Variants in NPAS3 observed in about 807,000 individuals in gnomAD.
The protein encoded by NPAS3 is neuronal PAS domain protein 3, also known as neuronal PAS domain-containing protein 3.
A neutral mutation model predicts 73.1 loss-of-function variants in NPAS3; 14 were observed. That is an observed-to-expected ratio of 0.19 (90% CI 0.13 to 0.30). NPAS3 has a LOEUF of 0.30. Ranked by LOEUF, NPAS3 falls within the 10% of genes least tolerant of loss-of-function variation. NPAS3 has a pLI of 1.00. For synonymous variants in NPAS3, 620 were observed against 541.5 expected (o/e 1.14, Z -2.01); for missense variants, 1,096 against 1,250.0 (o/e 0.88, Z 1.86).
chr14:32,981,066 A>G lies in NPAS3; in HGVS notation c.50+41700A>G, dbSNP rs140027198. Among the ~76,000 whole-genome samples the G allele has an allele frequency of 1.1e-3, 163 of 152,240 alleles. 1 individual carries two copies. In the East Asian group the frequency reaches 0.026, roughly 25 times the overall value. On this transcript the variant is annotated intron_variant, in intron 1 of 11. Coordinates refer to ENST00000356141, the Ensembl canonical transcript of NPAS3. The stretch of plus-strand genomic sequence containing the variant: ...GAAGAACTCGGAAATGCCTGCAGCC[A>G]TTTATTATCCACTTTCAGCCAGGAG...
intron 2 of NPAS3, among the ~76,000 whole-genome samples, chr14:33,168,766 G>C (rs540760245): frequency 6.6e-6 from 1 of 152,048 alleles, no homozygotes; most frequent in Non-Finnish European, 1.5e-5. Context: ...TCTTCCTTCT[G>C]CCATTCACGT....
rs75590818 is a variant in NPAS3, at chr14:33,188,173, G to T, written c.141-27009G>T. On this transcript the variant is annotated intron_variant, in intron 2 of 11. Coordinates refer to ENST00000356141, the Ensembl canonical transcript of NPAS3. ...CTGAGATAATGCATCAAGCATGTTA[G>T]CTCATTGACATATAGTAAGTACTGA... Among the ~76,000 whole-genome samples the T allele has an allele frequency of 4.2e-3, 635 of 152,322 alleles. 1 individual carries two copies. Among genetic ancestry groups the T allele is most frequent in the African/African-American group, 4.9e-3 (202 of 41,582 alleles).
intron 9 of NPAS3, among the ~76,000 whole-genome samples, chr14:33,782,425 A>G (rs2063005385): frequency 6.6e-6 from 1 of 152,190 alleles, no homozygotes; most frequent in Non-Finnish European, 1.5e-5. Flanking sequence ...AACCAAACAG[A>G]GATGCATGCT....
intron 4 of NPAS3, among the ~76,000 whole-genome samples, chr14:33,476,133 C>T (rs1192147508): frequency 6.6e-6 from 1 of 152,154 alleles, no homozygotes; most frequent in African/African-American, 2.4e-5. Flanking sequence ...CTTTCTAATA[C>T]GTTGTTGGTT....
chr14:33,135,019 T>A (rs963506896), intron 2 of NPAS3, among the ~76,000 whole-genome samples: 1 of 152,214 alleles, frequency 6.6e-6, no homozygotes, highest in Non-Finnish European at 1.5e-5. Flanking sequence ...CCAGCTTTTG[T>A]GCTTTCATTG....
chr14:33,080,739 G>T (rs2041838842), intron 2 of NPAS3, among the ~76,000 whole-genome samples: 1 of 152,198 alleles, frequency 6.6e-6, no homozygotes, highest in Admixed American at 6.5e-5. Context: ...GAGCATTGTT[G>T]CGTGAAGTGT....
chr14:33,071,883 GT>G (rs964364861), intron 2 of NPAS3, among the ~76,000 whole-genome samples: 1 of 151,842 alleles, frequency 6.6e-6, no homozygotes, highest in African/African-American at 2.4e-5. Flanking sequence ...GAGATTCTGT[GT>G]TTTTTTTCTT....
chr14:33,560,070 G>C (rs762342020), intron 4 of NPAS3, 51 bp from the exon 5 acceptor site: 2 of 725,460 alleles, frequency 2.8e-6, no homozygotes, highest in Non-Finnish European at 4.7e-6. Context: ...AATTAAATCT[G>C]CATCCTTTGT....
rs755879056 is a variant in NPAS3, at chr14:33,643,375, T to TAAAAAAAAAAAAAAAAAAAAAAAAAAAAA, written c.559-32813_559-32812insAAAAAAAAAAAAAAAAAAAAAAAAAAAAA. Among the ~76,000 whole-genome samples the TAAAAAAAAAAAAAAAAAAAAAAAAAAAAA allele has an allele frequency of 2.1e-5, 2 of 94,666 alleles. 1 individual carries two copies. The highest frequency in any genetic ancestry group is 4.1e-5 in the Non-Finnish European group (2 of 49,074). The allele number at this position is 94,666 out of a possible 152,430, so 62.1% of individuals were successfully genotyped here. The stretch of plus-strand genomic sequence containing the variant: ...TTCGGAAAAAGAAAGAAATAAAAAT[T>TAAAAAAAAAAAAAAAAAAAAAAAAAAAAA]AAAAAAAAAAAAAAAAAAAAAAACG... On this transcript the variant is annotated intron_variant, in intron 5 of 11. Coordinates refer to ENST00000356141, the Ensembl canonical transcript of NPAS3.
intron 2 of NPAS3, among the ~76,000 whole-genome samples, chr14:33,153,374 A>G (rs2044529281): frequency 6.6e-6 from 1 of 152,144 alleles, no homozygotes; most frequent in South Asian, 2.1e-4. Context: ...TGAACCATGT[A>G]GGGAACTCCA....
intron 4 of NPAS3, among the ~76,000 whole-genome samples, chr14:33,417,282 A>G (rs919060527): frequency 6.6e-6 from 1 of 151,796 alleles, no homozygotes; most frequent in African/African-American, 2.4e-5. Context: ...GCCATTAAAA[A>G]CTCTTTTGTA....
At chr14:32,981,039 CAGA>C (rs2037877007) in intron 1 of NPAS3, among the ~76,000 whole-genome samples, 1 of 152,142 alleles carries the variant, frequency 6.6e-6, no homozygotes, top group Non-Finnish European at 1.5e-5. Context: ...GAGGCTCACA[CAGA>C]AGAACTCGGA....
In NPAS3 at chr14:33,557,885, T is replaced by C. The variant is rs193082726; in HGVS notation, c.469-2236T>C. 4.0e-3 allele frequency among the ~76,000 whole-genome samples: 612 copies of C among 152,190 alleles called. 3 individuals are homozygous for C. Among genetic ancestry groups the C allele is most frequent in the African/African-American group, 0.014 (577 of 41,532 alleles). ...TTGGGAGGCTGAGGCAGGAGAATGG[T>C]GTGAACCCGGGAGGCGGAGCTTGCA... is the stretch of plus-strand genomic sequence containing the variant. On this transcript the variant is annotated intron_variant, in intron 4 of 11. Transcript: ENST00000356141.
At chr14:33,078,438 A>T (rs1005984400) in intron 2 of NPAS3, among the ~76,000 whole-genome samples, 1 of 151,908 alleles carries the variant, frequency 6.6e-6, no homozygotes, top group Non-Finnish European at 1.5e-5. Flanking sequence ...TCCCCTGGAG[A>T]GGTGCCTACA....
intron 4 of NPAS3, among the ~76,000 whole-genome samples, chr14:33,410,431 C>A (rs191103025): frequency 6.6e-6 from 1 of 152,286 alleles, no homozygotes; most frequent in African/African-American, 2.4e-5. Context: ...TATCTTCTTA[C>A]CTTTAAGTGC....
intron 1 of NPAS3, among the ~76,000 whole-genome samples, chr14:33,034,707 T>G (rs1235305672): frequency 6.6e-6 from 1 of 152,156 alleles, no homozygotes; most frequent in Non-Finnish European, 1.5e-5. Context: ...TTCAACTTAG[T>G]AACCCCAGAT....
At chr14:33,273,043 T>G (rs1349533690) in intron 3 of NPAS3, among the ~76,000 whole-genome samples, 2 of 152,338 alleles carry the variant, frequency 1.3e-5, no homozygotes, top group Admixed American at 6.5e-5. Context: ...CTGTGGATCT[T>G]TCTGCAGTCC....
intron 6 of NPAS3, among the ~76,000 whole-genome samples, chr14:33,721,239 C>T (rs2061100875): frequency 1.3e-5 from 2 of 152,120 alleles, no homozygotes; most frequent in Non-Finnish European, 2.9e-5. Flanking sequence ...TACTTACATA[C>T]ACACTGCTAT....
At chr14:32,948,243 T>A (rs970011906) in intron 1 of NPAS3, among the ~76,000 whole-genome samples, 1 of 152,148 alleles carries the variant, frequency 6.6e-6, no homozygotes, top group Admixed American at 6.6e-5. Context: ...CATAAATACT[T>A]AAAAAATTTA....
Sources: gnomAD v4.1 joint callset for allele counts (sites outside exome capture counted in the v4.1 genomes callset) on GRCh38, gnomAD v4.1.1 for gene constraint, MANE v1.5 for transcripts, NCBI Gene and HGNC (gene_info 2026-07-23, HGNC 2026-07-21) for gene names.